Variants in CNTN4 observed in about 807,000 individuals in gnomAD.
CNTN4 encodes contactin 4, also known as contactin-4.
A neutral mutation model predicts 122.5 loss-of-function variants in CNTN4; 77 were observed. The observed-to-expected ratio is 0.63, with a 90% CI of 0.52 to 0.76. The LOEUF (loss-of-function observed/expected upper bound fraction) is 0.76, where lower values mean the gene tolerates loss of function less well. Ranked by LOEUF, CNTN4 falls within the 30% of genes least tolerant of loss-of-function variation. The pLI is 0.00. For missense variants in CNTN4, 1,256 were observed against 1,259.1 expected (o/e 1.00, Z 0.04); for synonymous variants, 512 against 447.0 (o/e 1.15, Z -1.83).
At position 2,120,399 on chromosome 3, in the gene CNTN4, A is replaced by T. The variant is rs1198249495; in HGVS notation, c.-145+19760A>T. The stretch of plus-strand genomic sequence containing the variant: ...AATATATATATATATATATATATAT[A>T]TATATATTTTTTTTTTTTTTTTTAT... On this transcript the variant is annotated intron_variant, in intron 2 of 24. Transcript: ENST00000418658. Among the ~76,000 whole-genome samples, 24 of 30,732 alleles carry T rather than the reference A, an allele frequency of 7.8e-4. 1 individual carries two copies. Among genetic ancestry groups the T allele is most frequent in the East Asian group, 2.2e-3 (2 of 910 alleles). 20.2% of individuals were successfully genotyped at this position (30,732 alleles called of 152,430 possible). A position where few individuals can be genotyped will look rare whatever the true frequency, so the allele number is the denominator to read the frequency against.
At chr3:2,682,112 G>C (rs1238270402) in intron 4 of CNTN4, among the ~76,000 whole-genome samples, 1 of 152,172 alleles carries the variant, frequency 6.6e-6, no homozygotes, top group African/African-American at 2.4e-5. Context: ...CCATTGATAA[G>C]TGTTGCAAGA....
chr3:2,809,187 G>A (rs1012454325), intron 6 of CNTN4, among the ~76,000 whole-genome samples: 1 of 152,248 alleles, frequency 6.6e-6, no homozygotes, highest in Non-Finnish European at 1.5e-5. Context: ...GAAGGATGTA[G>A]TAAAGAGGGG....
chr3:2,572,710 A>G (rs758069365), intron 4 of CNTN4, among the ~76,000 whole-genome samples: 4 of 152,210 alleles, frequency 2.6e-5, no homozygotes, highest in Non-Finnish European at 4.4e-5. Flanking sequence ...CACTCAAATA[A>G]TGTTACTGAG....
At position 2,394,250 on chromosome 3, in the gene CNTN4, A is replaced by G. The variant is rs919803287; in HGVS notation, c.-89+55017A>G. The stretch of plus-strand genomic sequence containing the variant: ...GGAAGCCCCTAGAGGCTGAGTAGGC[A>G]GATTCTAGGGTTTCCATGTTAACAG... On this transcript the variant is annotated intron_variant, in intron 3 of 24. Transcript: ENST00000418658. 1.8e-3 allele frequency among the ~76,000 whole-genome samples: 277 copies of G among 152,258 alleles called. 2 individuals carry two copies. The highest frequency in any genetic ancestry group is 6.3e-3 in the African/African-American group (263 of 41,552).
intron 3 of CNTN4, among the ~76,000 whole-genome samples, chr3:2,554,123 T>G (rs945506752): frequency 6.6e-6 from 1 of 152,208 alleles, no homozygotes; most frequent in African/African-American, 2.4e-5. Context: ...TGAAGTACCT[T>G]AGGTATTTTA....
At chr3:2,952,926 A>T (rs1470179294) in intron 13 of CNTN4, among the ~76,000 whole-genome samples, 4 of 152,220 alleles carry the variant, frequency 2.6e-5, no homozygotes. Context: ...TATTTTACAT[A>T]TACTGTACCT....
chr3:2,660,220 TA>T (rs11384349), intron 4 of CNTN4, among the ~76,000 whole-genome samples: 38 of 150,072 alleles, frequency 2.5e-4, no homozygotes, highest in Middle Eastern at 3.4e-3. Flanking sequence ...TATAAATGAT[TA>T]AAAAAAAAAC....
intron 13 of CNTN4, among the ~76,000 whole-genome samples, chr3:2,969,515 G>GGATTATTATTATTAT (rs1553710698): frequency 0.026 from 3,670 of 143,666 alleles, 144 homozygotes; most frequent in Admixed American, 0.091. Context: ...AGGAAAATTG[G>GGATTATTATTATTAT]GATTATTATT....
chr3:2,353,732 A>G (rs995923241), intron 3 of CNTN4, among the ~76,000 whole-genome samples: 1 of 152,156 alleles, frequency 6.6e-6, no homozygotes, highest in Non-Finnish European at 1.5e-5. Context: ...CGTCTCTACT[A>G]AAAACACAAA....
chr3:2,465,460 T>G (rs1341729259), intron 3 of CNTN4, among the ~76,000 whole-genome samples: 1 of 152,152 alleles, frequency 6.6e-6, no homozygotes, highest in Non-Finnish European at 1.5e-5. Context: ...ACGGATTGCC[T>G]GAGCTCAGGA....
chr3:2,485,487 G>T (rs1318110714), intron 3 of CNTN4, among the ~76,000 whole-genome samples: 1 of 152,162 alleles, frequency 6.6e-6, no homozygotes, highest in African/African-American at 2.4e-5. Flanking sequence ...TTAGCATTCT[G>T]TATCTAGCTG....
At chr3:2,670,848 T>G (rs1238692576) in intron 4 of CNTN4, among the ~76,000 whole-genome samples, 1 of 152,220 alleles carries the variant, frequency 6.6e-6, no homozygotes, top group South Asian at 2.1e-4. Flanking sequence ...CTCCTTCACT[T>G]ATGAAGCTTA....
At chr3:2,196,617 A>G (rs530928675) in intron 2 of CNTN4, among the ~76,000 whole-genome samples, 14 of 152,136 alleles carry the variant, frequency 9.2e-5, no homozygotes, top group Non-Finnish European at 1.6e-4. Context: ...TACGTACCCT[A>G]TACCAAGCAT....
chr3:2,436,875 A>T (rs2048276276), intron 3 of CNTN4, among the ~76,000 whole-genome samples: 1 of 150,728 alleles, frequency 6.6e-6, no homozygotes. Flanking sequence ...ATAAATAGAT[A>T]TGGAGGTAAA....
intron 2 of CNTN4, among the ~76,000 whole-genome samples, chr3:2,312,188 T>C (rs1437930737): frequency 6.6e-6 from 1 of 152,000 alleles, no homozygotes; most frequent in South Asian, 2.1e-4. Flanking sequence ...GCACACCTCG[T>C]GAGGCCAAAC....
intron 4 of CNTN4, among the ~76,000 whole-genome samples, chr3:2,611,001 C>T (rs1194519615): frequency 1.3e-5 from 2 of 151,826 alleles, no homozygotes; most frequent in African/African-American, 4.8e-5. Flanking sequence ...TGTAACGATA[C>T]GATACATCTT....
At chr3:2,544,735 A>G (rs950034440) in intron 3 of CNTN4, among the ~76,000 whole-genome samples, 1 of 150,568 alleles carries the variant, frequency 6.6e-6, no homozygotes, top group Non-Finnish European at 1.5e-5. Context: ...TCGTTTCTAA[A>G]TGTGTTTACT....
At chr3:2,784,187 C>T (rs9823353) in intron 6 of CNTN4, among the ~76,000 whole-genome samples, 113,921 of 152,100 alleles carry the variant, frequency 0.75, 43,910 homozygotes, top group South Asian at 0.84. Context: ...GTGTGGGGAC[C>T]GGGTATGTAA....
rs1442683701 is a variant in CNTN4 at position 2,429,133 on chromosome 3, A to G, written c.-89+89900A>G. 2.6e-5 allele frequency among the ~76,000 whole-genome samples: 4 copies of G among 152,190 alleles called. No homozygotes were observed. The East Asian group carries it at 7.7e-4, about 29-fold the overall frequency. On this transcript the variant is annotated intron_variant, in intron 3 of 24. Coordinates refer to ENST00000418658, the MANE Select transcript of CNTN4 (RefSeq NM_175607.3). The stretch of plus-strand genomic sequence containing the variant: ...TGTTCCATTGCTGGCGAGGAGCTGC[A>G]TTCCTTTGAAGGCAAAGAGGCCCTC...
Sources: gnomAD v4.1 joint callset for allele counts (sites outside exome capture counted in the v4.1 genomes callset) on GRCh38, gnomAD v4.1.1 for gene constraint, MANE v1.5 for transcripts, NCBI Gene and HGNC (gene_info 2026-07-23, HGNC 2026-07-21) for gene names.